Variants in PDGFC observed in about 807,000 individuals in gnomAD.
The protein encoded by PDGFC is platelet derived growth factor C, also known as platelet-derived growth factor C.
In PDGFC, 12 loss-of-function variants were observed where a neutral mutation model predicts 35.5. The ratio of observed to expected loss-of-function variants is 0.34; its 90% confidence interval spans 0.22 to 0.55. PDGFC has a LOEUF of 0.55. Among genes scored for constraint, PDGFC ranks in the 20% least tolerant of loss-of-function variants. The pLI, the probability that PDGFC is intolerant of heterozygous loss-of-function variation, is 0.91. For missense variants in PDGFC, 322 were observed against 412.4 expected, an observed-to-expected ratio of 0.78 and a Z score of 1.90; for synonymous variants, 159 against 148.8, an observed-to-expected ratio of 1.07 and a Z score of -0.50.
At chr4:156,798,287 C>T (rs1229309875) in intron 3 of PDGFC, among the ~76,000 whole-genome samples, 1 of 152,184 alleles carries the variant, frequency 6.6e-6, no homozygotes, top group East Asian at 1.9e-4. Context: ...AAGTAAAAAT[C>T]AGATGCAAAG....
At chr4:156,808,028 T>C (rs991207780) in intron 3 of PDGFC, among the ~76,000 whole-genome samples, 4 of 152,050 alleles carry the variant, frequency 2.6e-5, no homozygotes, top group Non-Finnish European at 5.9e-5. Flanking sequence ...ATTTAGCTAA[T>C]GCAAGAATGT....
At chr4:156,888,296 C>A (rs989173127) in intron 1 of PDGFC, among the ~76,000 whole-genome samples, 1 of 152,026 alleles carries the variant, frequency 6.6e-6, no homozygotes. Flanking sequence ...TAAATAAAAA[C>A]AAAACTTCAT....
chr4:156,874,246 T>A (rs1730055243), intron 1 of PDGFC, among the ~76,000 whole-genome samples: 1 of 152,176 alleles, frequency 6.6e-6, no homozygotes, highest in Non-Finnish European at 1.5e-5. Context: ...TAATAAATTG[T>A]CTTAACCATA....
At chr4:156,932,325 G>A (rs995358186) in intron 1 of PDGFC, among the ~76,000 whole-genome samples, 2 of 152,052 alleles carry the variant, frequency 1.3e-5, no homozygotes, top group South Asian at 2.1e-4. Flanking sequence ...CCATTTTCAC[G>A]ATATTGATTC....
intron 2 of PDGFC, among the ~76,000 whole-genome samples, chr4:156,822,720 G>C (rs1256006685): frequency 6.6e-6 from 1 of 152,072 alleles, no homozygotes; most frequent in Admixed American, 6.6e-5. Flanking sequence ...ACCTGGAGCA[G>C]AAACCTTACT....
intron 3 of PDGFC, among the ~76,000 whole-genome samples, chr4:156,783,731 T>G (rs749622490): frequency 6.6e-6 from 1 of 152,200 alleles, no homozygotes; most frequent in South Asian, 2.1e-4. Context: ...CAAATCTTGA[T>G]GTCTTTTGGA....
intron 1 of PDGFC, among the ~76,000 whole-genome samples, chr4:156,966,287 A>G (rs1732464743): frequency 1.3e-5 from 2 of 152,156 alleles, no homozygotes; most frequent in South Asian, 4.1e-4. Flanking sequence ...TTATATAGAG[A>G]TTACATAGAG....
chr4:156,818,969 G>A (rs1412622419), intron 2 of PDGFC, among the ~76,000 whole-genome samples: 1 of 152,146 alleles, frequency 6.6e-6, no homozygotes, highest in Non-Finnish European at 1.5e-5. Context: ...GAAAAAGTTT[G>A]AAATAATTGC....
intron 1 of PDGFC, among the ~76,000 whole-genome samples, chr4:156,878,670 C>T (rs953925038): frequency 6.6e-6 from 1 of 152,080 alleles, no homozygotes; most frequent in Non-Finnish European, 1.5e-5. Context: ...ATGAGAATTT[C>T]CTTTGAGCTT....
intron 3 of PDGFC, among the ~76,000 whole-genome samples, chr4:156,780,886 C>T (rs751532471): frequency 6.6e-6 from 1 of 152,112 alleles, no homozygotes; most frequent in Non-Finnish European, 1.5e-5. Flanking sequence ...GTGAAAGTGG[C>T]TTTTCACACA....
At chr4:156,810,740 C>T in intron 3 of PDGFC, 97 bp downstream of exon 3, 1 of 789,270 alleles carries the variant, frequency 1.3e-6, no homozygotes, top group Non-Finnish European at 2.0e-6. Flanking sequence ...GGTTTGTTTT[C>T]TGATTTTTTT....
chr4:156,889,321 C>T (rs1446581918), intron 1 of PDGFC, among the ~76,000 whole-genome samples: 1 of 152,182 alleles, frequency 6.6e-6, no homozygotes, highest in Non-Finnish European at 1.5e-5. Flanking sequence ...TAATTCATAT[C>T]ACATTTTATA....
At chr4:156,951,289 G>A (rs1226879969) in intron 1 of PDGFC, among the ~76,000 whole-genome samples, 1 of 151,802 alleles carries the variant, frequency 6.6e-6, no homozygotes, top group Non-Finnish European at 1.5e-5. Flanking sequence ...TTCATTGTGA[G>A]GCTTCATTCT....
chr4:156,894,136 T>A (rs1245810474), intron 1 of PDGFC, among the ~76,000 whole-genome samples: 1 of 152,186 alleles, frequency 6.6e-6, no homozygotes, highest in Non-Finnish European at 1.5e-5. Context: ...ATTTATTACT[T>A]CATCACTGTA....
At chr4:156,785,674 A>T (rs1181176358) in intron 3 of PDGFC, among the ~76,000 whole-genome samples, 1 of 152,214 alleles carries the variant, frequency 6.6e-6, no homozygotes, top group Non-Finnish European at 1.5e-5. Flanking sequence ...CGACTCTTCA[A>T]AGTGTAACAT....
At chr4:156,829,792 A>G (rs1249560179) in intron 2 of PDGFC, among the ~76,000 whole-genome samples, 1 of 152,126 alleles carries the variant, frequency 6.6e-6, no homozygotes, top group East Asian at 1.9e-4. Context: ...TTATATTCAT[A>G]TATTCAGAAT....
At chr4:156,843,926 T>C (rs1729264837) in intron 2 of PDGFC, among the ~76,000 whole-genome samples, 1 of 152,154 alleles carries the variant, frequency 6.6e-6, no homozygotes, top group Admixed American at 6.6e-5. Flanking sequence ...GAAGCATCAA[T>C]AGTTTACTAC....
At chr4:156,769,981 C>A (rs1014264202) in intron 4 of PDGFC, among the ~76,000 whole-genome samples, 1 of 151,966 alleles carries the variant, frequency 6.6e-6, no homozygotes, top group Admixed American at 6.6e-5. Flanking sequence ...GCTCTCAAAG[C>A]ATATTCACCT....
intron 1 of PDGFC, among the ~76,000 whole-genome samples, chr4:156,937,311 A>G (rs1731706541): frequency 6.6e-6 from 1 of 152,194 alleles, no homozygotes; most frequent in Non-Finnish European, 1.5e-5. Flanking sequence ...AAATCTTGTT[A>G]TCTTTCCACC....
Sources: gnomAD v4.1 joint callset for allele counts (sites outside exome capture counted in the v4.1 genomes callset) on GRCh38, gnomAD v4.1.1 for gene constraint, MANE v1.5 for transcripts, NCBI Gene and HGNC (gene_info 2026-07-23, HGNC 2026-07-21) for gene names.